OSBPL11: variants seen among roughly 807,000 people sequenced by gnomAD.
OSBPL11 encodes the protein oxysterol binding protein like 11.
A neutral mutation model predicts 84.4 loss-of-function variants in OSBPL11; 33 were observed. The observed-to-expected ratio is 0.39, with a 90% CI of 0.30 to 0.52. OSBPL11 has a LOEUF of 0.52. Ranked by LOEUF, OSBPL11 falls within the 20% of genes least tolerant of loss-of-function variation. The pLI, the probability that OSBPL11 is intolerant of heterozygous loss-of-function variation, is 0.72. For missense variants in OSBPL11, 736 were observed against 901.1 expected (o/e 0.82, Z 2.35); for synonymous variants, 276 against 310.2 (o/e 0.89, Z 1.16).
chr3:125,574,897 C>T (rs2333267), intron 5 of OSBPL11, among the ~76,000 whole-genome samples: 5,182 of 152,172 alleles, frequency 0.034, 104 homozygotes, highest in East Asian at 0.065. Context: ...GCAGGACAGA[C>T]CAATGGATTT....
chr3:125,536,693 T>C (rs1935644221), intron 11 of OSBPL11, among the ~76,000 whole-genome samples: 1 of 152,216 alleles, frequency 6.6e-6, no homozygotes, highest in Admixed American at 6.5e-5. Context: ...CCATAGTTTG[T>C]CTATCAATCA....
At chr3:125,575,711 AT>A (rs200248578) in intron 5 of OSBPL11, among the ~76,000 whole-genome samples, 2,916 of 135,902 alleles carry the variant, frequency 0.021, 91 homozygotes, top group African/African-American at 0.075. Flanking sequence ...AAAAAAAAAA[AT>A]TTTTTTTAGA....
chr3:125,583,067 C>G (rs1671824261), intron 1 of OSBPL11, 89 bp from the exon 2 acceptor site: 1 of 838,448 alleles, frequency 1.2e-6, no homozygotes, highest in Non-Finnish European at 1.9e-6. Flanking sequence ...GCTGCAGATA[C>G]ATATATGCTC....
intron 12 of OSBPL11, among the ~76,000 whole-genome samples, chr3:125,531,293 C>CT (rs774229724): frequency 0.093 from 12,160 of 131,362 alleles, 579 homozygotes; most frequent in African/African-American, 0.13. Context: ...GCTCATTTTT[C>CT]TTTTTTTTTT....
intron 2 of OSBPL11, among the ~76,000 whole-genome samples, chr3:125,581,904 G>A (rs1439674275): frequency 6.6e-6 from 1 of 151,786 alleles, no homozygotes; most frequent in Non-Finnish European, 1.5e-5. Context: ...TCAGCCCGAG[G>A]TGGAGGTTAC....
At chr3:125,563,386 C>T (rs1466660726) in intron 7 of OSBPL11, among the ~76,000 whole-genome samples, 1 of 151,952 alleles carries the variant, frequency 6.6e-6, no homozygotes, top group Non-Finnish European at 1.5e-5. Flanking sequence ...AAGAGACAAA[C>T]ATTGTGCAAA....
intron 7 of OSBPL11, among the ~76,000 whole-genome samples, chr3:125,561,264 C>G (rs1936073789): frequency 6.6e-6 from 1 of 152,220 alleles, no homozygotes; most frequent in Non-Finnish European, 1.5e-5. Flanking sequence ...TCCCAAAGTG[C>G]TGGGATTATA....
intron 10 of OSBPL11, among the ~76,000 whole-genome samples, chr3:125,544,911 G>T (rs951061298): frequency 2.0e-5 from 3 of 152,112 alleles, no homozygotes; most frequent in African/African-American, 7.2e-5. Context: ...TTACATTCTT[G>T]TCCCATTCAT....
Position 125,563,764 on chromosome 3 carries a change from A to T in OSBPL11, c.948T>A (p.Thr316=). ...YKNGADQPFA[T]DQSKPVAVPE... is the part of the protein sequence containing the mutation. ...GGACTGCCACCGGCTTACTCTGATC[A>T]GTTGCAAAGGGCTGGTCAGCTCCAT... The change falls in exon 7 of 13, where the codon ACT becomes ACA. Residue 316 remains threonine, a synonymous_variant. Coordinates refer to ENST00000296220, the MANE Select transcript of OSBPL11 (RefSeq NM_022776.5). The T allele has an allele frequency of 6.2e-7, 1 of 1,614,206 alleles. No homozygotes were observed. Among genetic ancestry groups the T allele is most frequent in the Non-Finnish European group, 8.5e-7 (1 of 1,180,022 alleles).
In OSBPL11 at chr3:125,552,242, C is replaced by A. The variant is rs769477065; in HGVS notation, c.1593G>T (p.Ala531=). 14 of 1,613,776 alleles carry A rather than the reference C, an allele frequency of 8.7e-6. No homozygotes were observed. Among genetic ancestry groups the A allele is most frequent in the Non-Finnish European group, 1.0e-5 (12 of 1,179,916 alleles). ...AGAACTTGCTCTTAGTCCAGACATG[C>A]GCATTTACACACATCTTCCTCTCTG... is the stretch of plus-strand genomic sequence containing the variant. ...ECTERKMCVN[A]HVWTKSKFLG... Residue 531 remains alanine, a synonymous_variant, in exon 9 of 13, where the codon GCG becomes GCT. Transcript: ENST00000296220.
chr3:125,584,777 C>T (rs1207688632), intron 1 of OSBPL11, among the ~76,000 whole-genome samples: 1 of 152,140 alleles, frequency 6.6e-6, no homozygotes, highest in African/African-American at 2.4e-5. Flanking sequence ...AAGCAATAAA[C>T]AAAATACATC....
chr3:125,584,651 T>G (rs964382593), intron 1 of OSBPL11, among the ~76,000 whole-genome samples: 1 of 152,198 alleles, frequency 6.6e-6, no homozygotes, highest in African/African-American at 2.4e-5. Flanking sequence ...ACAGTTCAAT[T>G]CCTCTGGCTT....
chr3:125,585,041 A>C (rs983780871), intron 1 of OSBPL11, among the ~76,000 whole-genome samples: 7 of 152,082 alleles, frequency 4.6e-5, no homozygotes, highest in Non-Finnish European at 8.8e-5. Context: ...TGGCTTCCTA[A>C]AGTGTTGGGA....
At chr3:125,563,983 C>T in intron 6 of OSBPL11, 140 bp from the exon 7 acceptor site, 2 of 823,952 alleles carry the variant, frequency 2.4e-6, no homozygotes, top group Non-Finnish European at 3.7e-6. Context: ...AAGACAGCCA[C>T]TTATATCTCA....
At chr3:125,581,568 C>T (rs1936425536) in intron 2 of OSBPL11, among the ~76,000 whole-genome samples, 1 of 151,310 alleles carries the variant, frequency 6.6e-6, no homozygotes, top group African/African-American at 2.4e-5. Flanking sequence ...AGGTGGCGTG[C>T]ACCTGTAATC....
rs199669442 is a variant in OSBPL11, at chr3:125,567,165, G to A, written c.868+229C>T. Among the ~76,000 whole-genome samples the A allele has an allele frequency of 3.9e-5, 6 of 152,098 alleles. No individual in the cohort carries two copies. The East Asian group carries it at 1.2e-3, about 29-fold the overall frequency. ...GATGTTGAGCTTGAGGTCTCTTCAG[G>A]AATGTTCAGTGATATTAGACATTAG... is the stretch of plus-strand genomic sequence containing the variant. On this transcript the variant is annotated intron_variant, in intron 6 of 12. Transcript: ENST00000296220.
intron 10 of OSBPL11, among the ~76,000 whole-genome samples, chr3:125,540,400 T>G (rs1205862097): frequency 7.3e-6 from 1 of 137,092 alleles, no homozygotes; most frequent in African/African-American, 2.8e-5. Context: ...CAAAGAACAC[T>G]ACGACTATCA....
chr3:125,557,692 T>C (rs1378123268), intron 8 of OSBPL11, among the ~76,000 whole-genome samples: 1 of 151,952 alleles, frequency 6.6e-6, no homozygotes, highest in African/African-American at 2.4e-5. Flanking sequence ...GGCTCTTTAA[T>C]ATTGCCTGAA....
rs556989266 is a variant in OSBPL11 at position 125,581,329 on chromosome 3, C to T, written c.234-1289G>A. ...CTGATCTCAAACTCCTGAACTCAGG[C>T]GATCCTCCCGCCTCGGCCTCCCAAA... On this transcript the variant is annotated intron_variant, in intron 2 of 12. Transcript: ENST00000296220. 2.6e-5 allele frequency among the ~76,000 whole-genome samples: 4 copies of T among 151,874 alleles called. No individual in the cohort carries two copies. The South Asian group carries it at 6.2e-4, about 24-fold the overall frequency.
Sources: gnomAD v4.1 joint callset for allele counts (sites outside exome capture counted in the v4.1 genomes callset) on GRCh38, gnomAD v4.1.1 for gene constraint, MANE v1.5 for transcripts, NCBI Gene and HGNC (gene_info 2026-07-23, HGNC 2026-07-21) for gene names.